LYPLAL1: variants seen among roughly 807,000 people sequenced by gnomAD.
The protein encoded by LYPLAL1 is lysophospholipase like 1.
Under a neutral mutation model 19.7 loss-of-function variants are expected in LYPLAL1, and 23 were observed. The ratio of observed to expected loss-of-function variants is 1.17; its 90% CI spans 0.84 to 1.65. The LOEUF (loss-of-function observed/expected upper bound fraction) is 1.65. LYPLAL1 is among the 40% of genes most tolerant of loss of function. LYPLAL1 has a pLI of 0.00. For synonymous variants in LYPLAL1, 119 were observed against 96.3 expected, an observed-to-expected ratio of 1.24 and a Z score of -1.38; for missense variants, 355 against 279.4, an observed-to-expected ratio of 1.27 and a Z score of -1.93.
At chr1:219,183,722 A>G (rs1656481001) in intron 2 of LYPLAL1, among the ~76,000 whole-genome samples, 1 of 151,804 alleles carries the variant, frequency 6.6e-6, no homozygotes, top group African/African-American at 2.4e-5. Context: ...CTTTTATTCA[A>G]ATTGGTATTT....
intron 2 of LYPLAL1, among the ~76,000 whole-genome samples, chr1:219,179,618 A>G (rs1159185527): frequency 2.0e-5 from 3 of 152,244 alleles, no homozygotes; most frequent in African/African-American, 7.2e-5. Flanking sequence ...TAATTTAGTT[A>G]AGCCAGAATT....
At chr1:219,381,951 C>T in the LYPLAL1 span, among the ~76,000 whole-genome samples, 3 of 152,184 alleles carry the variant, frequency 2.0e-5, no homozygotes, top group Non-Finnish European at 4.4e-5. Flanking sequence ...AGGCAGCTCC[C>T]CACTCCTTTC....
intron 3 of LYPLAL1, chr1:219,200,688 G>A (rs12402039): frequency 0.22 from 51,488 of 238,194 alleles, 6,113 homozygotes; most frequent in Non-Finnish European, 0.25. Context: ...GCAGCCAAAA[G>A]AGCTACACAT....
the LYPLAL1 span, among the ~76,000 whole-genome samples, chr1:219,260,048 A>G: frequency 3.9e-5 from 6 of 152,032 alleles, no homozygotes; most frequent in Admixed American, 6.6e-5. Flanking sequence ...TTGCAAGACA[A>G]GGGTAAATTA....
chr1:219,261,802 T>C, the LYPLAL1 span, among the ~76,000 whole-genome samples: 1 of 152,182 alleles, frequency 6.6e-6, no homozygotes, highest in African/African-American at 2.4e-5. Flanking sequence ...CTTGGCCTTA[T>C]GTAACCTGAT....
the LYPLAL1 span, among the ~76,000 whole-genome samples, chr1:219,360,846 T>C: frequency 6.6e-6 from 1 of 152,142 alleles, no homozygotes; most frequent in Non-Finnish European, 1.5e-5. Context: ...CCACTACCAG[T>C]ATCTGGGTGG....
chr1:219,252,975 T>G, the LYPLAL1 span, among the ~76,000 whole-genome samples: 1 of 152,044 alleles, frequency 6.6e-6, no homozygotes, highest in African/African-American at 2.4e-5. Flanking sequence ...CTTATTGGTC[T>G]TTTCAGGGCA....
the LYPLAL1 span, among the ~76,000 whole-genome samples, chr1:219,247,543 A>G: frequency 6.6e-6 from 1 of 152,224 alleles, no homozygotes; most frequent in Non-Finnish European, 1.5e-5. Flanking sequence ...AGATGTAGTT[A>G]GAGTTAGCTG....
At chr1:219,414,012 G>A in the LYPLAL1 span, among the ~76,000 whole-genome samples, 4 of 152,184 alleles carry the variant, frequency 2.6e-5, no homozygotes, top group African/African-American at 9.7e-5. Context: ...TTACTGAGTA[G>A]TTCTCAGTAT....
At position 219,173,999 on chromosome 1, in the gene LYPLAL1, G is replaced by A. The variant is rs142916020; in HGVS notation, c.91+18G>A. On this transcript the variant is annotated intron_variant, in intron 1 of 4. Transcript: ENST00000366928. ...TGGCTCAGGTGGATTTCAATTTTAC[G>A]TCCTGGTTTTCTACAGCTCGGGAAA... 47 of 1,614,004 alleles carry A rather than the reference G, an allele frequency of 2.9e-5. No homozygotes were observed. The highest frequency in any genetic ancestry group is 3.8e-5 in the Non-Finnish European group (45 of 1,179,956).
At chr1:219,194,483 A>G (rs1330732145) in intron 3 of LYPLAL1, among the ~76,000 whole-genome samples, 1 of 152,040 alleles carries the variant, frequency 6.6e-6, no homozygotes. Context: ...GTAAAGCAAG[A>G]TCTATCTGCC....
the LYPLAL1 span, among the ~76,000 whole-genome samples, chr1:219,430,136 C>G: frequency 6.6e-6 from 1 of 151,790 alleles, no homozygotes. Context: ...TTTACCAAAA[C>G]TAGAAAAATT....
chr1:219,298,470 T>G, the LYPLAL1 span, among the ~76,000 whole-genome samples: 1 of 152,152 alleles, frequency 6.6e-6, no homozygotes, highest in Non-Finnish European at 1.5e-5. Flanking sequence ...CTCTAGCCAC[T>G]AAGGGAATGA....
At chr1:219,440,016 C>CATATATATAT in the LYPLAL1 span, among the ~76,000 whole-genome samples, 1 of 99,444 alleles carries the variant, frequency 1.0e-5, no homozygotes, top group Admixed American at 9.5e-5. Context: ...TATATATACA[C>CATATATATAT]ACACACACAT....
the LYPLAL1 span, among the ~76,000 whole-genome samples, chr1:219,295,411 G>T: frequency 6.6e-6 from 1 of 152,006 alleles, no homozygotes; most frequent in Non-Finnish European, 1.5e-5. Flanking sequence ...TATTTTTTGG[G>T]TTTAGCTCTG....
At chr1:219,184,018 G>C (rs548631239) in intron 2 of LYPLAL1, among the ~76,000 whole-genome samples, 1 of 151,884 alleles carries the variant, frequency 6.6e-6, no homozygotes, top group African/African-American at 2.4e-5. Context: ...GAAACCAAGT[G>C]GTGTAAGTTT....
the LYPLAL1 span, among the ~76,000 whole-genome samples, chr1:219,359,193 AT>A: frequency 7.5e-4 from 114 of 152,276 alleles, no homozygotes; most frequent in African/African-American, 2.6e-3. Flanking sequence ...TACCATTTAC[AT>A]TTCTGGCTAA....
At chr1:219,433,977 A>AG in the LYPLAL1 span, among the ~76,000 whole-genome samples, 4 of 152,218 alleles carry the variant, frequency 2.6e-5, no homozygotes, top group Non-Finnish European at 4.4e-5. Flanking sequence ...TGATTCTCAA[A>AG]GGGGATGATT....
At chr1:219,373,838 C>G in the LYPLAL1 span, among the ~76,000 whole-genome samples, 9 of 121,392 alleles carry the variant, frequency 7.4e-5, no homozygotes, top group African/African-American at 2.8e-4. Context: ...TTGCAGCAGG[C>G]TTAAGTCAGA....
Sources: gnomAD v4.1 joint callset for allele counts (sites outside exome capture counted in the v4.1 genomes callset) on GRCh38, gnomAD v4.1.1 for gene constraint, MANE v1.5 for transcripts, NCBI Gene and HGNC (gene_info 2026-07-23, HGNC 2026-07-21) for gene names.